Variants in PPP3CA observed in about 807,000 individuals in gnomAD.
PPP3CA encodes the protein CAM-PRP catalytic subunit.
A neutral mutation model predicts 66.5 loss-of-function variants in PPP3CA; 14 were observed. The observed-to-expected ratio is 0.21, with a 90% CI of 0.14 to 0.33. The LOEUF is 0.33. Among genes scored for constraint, PPP3CA ranks in the 10% least tolerant of loss-of-function variants. The pLI, the probability that PPP3CA is intolerant of heterozygous loss-of-function variation, is 1.00. For missense variants in PPP3CA, 317 were observed against 639.5 expected, an observed-to-expected ratio of 0.50 and a Z score of 5.44; for synonymous variants, 232 against 226.2, an observed-to-expected ratio of 1.03 and a Z score of -0.23.
chr4:101,076,918 A>G (rs934851850), intron 8 of PPP3CA, among the ~76,000 whole-genome samples: 1 of 152,224 alleles, frequency 6.6e-6, no homozygotes, highest in Non-Finnish European at 1.5e-5. Context: ...CTCATCTCAT[A>G]GCAATGCCAC....
intron 10 of PPP3CA, among the ~76,000 whole-genome samples, chr4:101,054,535 G>C (rs1728144469): frequency 6.6e-6 from 1 of 151,684 alleles, no homozygotes; most frequent in South Asian, 2.1e-4. Context: ...AGTTTTGGTA[G>C]AAAATAATAT....
At chr4:101,178,080 G>C (rs928015550) in intron 2 of PPP3CA, among the ~76,000 whole-genome samples, 2 of 152,038 alleles carry the variant, frequency 1.3e-5, no homozygotes, top group Admixed American at 6.6e-5. Context: ...AAGTCTCACA[G>C]CACTGTAAAG....
chr4:101,172,179 T>C (rs900452385), intron 2 of PPP3CA, among the ~76,000 whole-genome samples: 1 of 152,088 alleles, frequency 6.6e-6, no homozygotes, highest in Non-Finnish European at 1.5e-5. Context: ...TATCCTATTG[T>C]AAGGGAAAAA....
intron 1 of PPP3CA, among the ~76,000 whole-genome samples, chr4:101,197,874 T>C (rs13126581): frequency 1.3e-5 from 2 of 152,210 alleles, no homozygotes; most frequent in African/African-American, 2.4e-5. Flanking sequence ...AGCAGTCTGA[T>C]GCCAGAATAC....
intron 3 of PPP3CA, among the ~76,000 whole-genome samples, chr4:101,100,392 G>A (rs1033476091): frequency 6.6e-6 from 1 of 152,020 alleles, no homozygotes; most frequent in African/African-American, 2.4e-5. Context: ...AAAGAGAAGT[G>A]ACCTTATTTT....
intron 3 of PPP3CA, among the ~76,000 whole-genome samples, chr4:101,106,438 AAAG>A (rs1476172861): frequency 1.5e-4 from 2 of 13,094 alleles, no homozygotes; most frequent in African/African-American, 2.7e-4. Context: ...AGAAAGAAAG[AAAG>A]AAAGAAAGAA....
Position 101,061,072 on chromosome 4 carries a change from G to A in PPP3CA, c.1156+15C>T. The A allele has an allele frequency of 6.2e-7, 1 of 1,600,640 alleles. No homozygotes were observed. The highest frequency in any genetic ancestry group is 8.6e-7 in the Non-Finnish European group (1 of 1,168,414). On this transcript the variant is annotated intron_variant, in intron 10 of 13. Transcript: ENST00000394854. ...TCTGGCAAATAGCATTAGCACAAAG[G>A]CTCAAGCCTCTTACCATCAAATCCA...
chr4:101,032,644 G>A (rs1359074512), intron 11 of PPP3CA, among the ~76,000 whole-genome samples: 1 of 152,032 alleles, frequency 6.6e-6, no homozygotes, highest in Admixed American at 6.6e-5. Flanking sequence ...AAACCATTTT[G>A]ATTTTGTAAT....
chr4:101,056,442 A>C (rs1041213790), intron 10 of PPP3CA, among the ~76,000 whole-genome samples: 6 of 152,114 alleles, frequency 3.9e-5, no homozygotes, highest in Admixed American at 3.9e-4. Context: ...AGCATCTCTA[A>C]ATTGCTATAG....
chr4:101,294,586 G>C (rs1578638590), intron 1 of PPP3CA, among the ~76,000 whole-genome samples: 1 of 151,928 alleles, frequency 6.6e-6, no homozygotes, highest in Admixed American at 6.6e-5. Flanking sequence ...TATATTCTAA[G>C]AGTATGCTTT....
intron 2 of PPP3CA, among the ~76,000 whole-genome samples, chr4:101,184,444 T>C (rs1483722386): frequency 1.3e-5 from 2 of 152,154 alleles, no homozygotes; most frequent in African/African-American, 2.4e-5. Context: ...ACATGAAATA[T>C]AGTCAGACTG....
At chr4:101,286,490 G>A (rs1233642424) in intron 1 of PPP3CA, among the ~76,000 whole-genome samples, 11 of 152,238 alleles carry the variant, frequency 7.2e-5, no homozygotes, top group Non-Finnish European at 1.5e-4. Flanking sequence ...TCACTGAAAA[G>A]TTACCAAGAA....
chr4:101,239,499 T>G (rs1039467885), intron 1 of PPP3CA, among the ~76,000 whole-genome samples: 1 of 151,944 alleles, frequency 6.6e-6, no homozygotes, highest in Non-Finnish European at 1.5e-5. Flanking sequence ...GGACAAGACC[T>G]AAGGACAATT....
At chr4:101,321,019 G>C (rs895536918) in intron 1 of PPP3CA, among the ~76,000 whole-genome samples, 3 of 152,204 alleles carry the variant, frequency 2.0e-5, no homozygotes, top group Non-Finnish European at 4.4e-5. Flanking sequence ...ATTGATGTTT[G>C]TGTATGTGCT....
chr4:101,214,987 A>G (rs1175120324), intron 1 of PPP3CA, among the ~76,000 whole-genome samples: 2 of 152,088 alleles, frequency 1.3e-5, no homozygotes, highest in Non-Finnish European at 2.9e-5. Flanking sequence ...TCACTCTAAT[A>G]GCAATAATCA....
chr4:101,182,130 T>C (rs1053214664), intron 2 of PPP3CA, among the ~76,000 whole-genome samples: 2 of 152,156 alleles, frequency 1.3e-5, no homozygotes, highest in Admixed American at 1.3e-4. Context: ...TTTAAGGTGA[T>C]AGACTGAGAT....
chr4:101,185,926 T>A (rs752323578), intron 2 of PPP3CA, among the ~76,000 whole-genome samples: 18 of 152,118 alleles, frequency 1.2e-4, no homozygotes, highest in Non-Finnish European at 1.5e-5. Context: ...AGAACACCTA[T>A]CTCCCAGAGT....
chr4:101,213,872 G>A lies in PPP3CA; in HGVS notation c.59-17756C>T, dbSNP rs1725380169. 2.0e-5 allele frequency among the ~76,000 whole-genome samples: 3 copies of A among 152,052 alleles called. No individual in the cohort carries two copies. The South Asian group carries it at 6.2e-4, about 32-fold the overall frequency. ...AAATTGTAGATTATCAAAAGTAGTT[G>A]TTATTTCTCTAAAAAATCTACCTAG... On this transcript the variant is annotated intron_variant, in intron 1 of 13. Transcript: ENST00000394854.
chr4:101,285,722 C>T (rs547120860), intron 1 of PPP3CA, among the ~76,000 whole-genome samples: 2 of 151,066 alleles, frequency 1.3e-5, no homozygotes, highest in South Asian at 2.1e-4. Flanking sequence ...TGGTCAAGCA[C>T]GACCCACAAA....
Sources: gnomAD v4.1 joint callset for allele counts (sites outside exome capture counted in the v4.1 genomes callset) on GRCh38, gnomAD v4.1.1 for gene constraint, MANE v1.5 for transcripts, NCBI Gene and HGNC (gene_info 2026-07-23, HGNC 2026-07-21) for gene names.